PAPPA2: variants seen among roughly 807,000 people sequenced by gnomAD.
PAPPA2 encodes the protein pappalysin 2.
In PAPPA2, 86 loss-of-function variants were observed where a neutral mutation model predicts 176.4. That is an observed-to-expected ratio of 0.49 (90% CI 0.41 to 0.58). The LOEUF (loss-of-function observed/expected upper bound fraction) is 0.58, where lower values mean the gene tolerates loss of function less well. Among genes scored for constraint, PAPPA2 ranks in the 20% least tolerant of loss-of-function variants. The probability of loss-of-function intolerance (pLI) is 0.00; values close to 1 mark genes in which losing one functional copy is unlikely to be tolerated. For missense variants in PAPPA2, 2,073 were observed against 2,256.9 expected, an observed-to-expected ratio of 0.92 and a Z score of 1.65; for synonymous variants, 809 against 852.2, an observed-to-expected ratio of 0.95 and a Z score of 0.88.
rs553671188 is a variant in PAPPA2, at chr1:176,534,294, G to A, written c.-916-21113G>A. Among the ~76,000 whole-genome samples the A allele has an allele frequency of 3.9e-5, 6 of 152,134 alleles. No individual in the cohort carries two copies. In the South Asian group the frequency reaches 6.2e-4, roughly 16 times the overall value. On this transcript the variant is annotated intron_variant, in intron 1 of 22. Coordinates refer to ENST00000367662, the MANE Select transcript of PAPPA2 (RefSeq NM_020318.3). The stretch of plus-strand genomic sequence containing the variant: ...CTGCCTGTTTTTCCCAGGTTCTAAT[G>A]TTAGAGTCTGAGTTGACTGCTAATT...
chr1:176,652,945 G>A (rs894364868), intron 3 of PAPPA2, among the ~76,000 whole-genome samples: 21 of 151,744 alleles, frequency 1.4e-4, no homozygotes, highest in Non-Finnish European at 1.0e-4. Context: ...GACATTGCTA[G>A]TGATACCCTC....
At chr1:176,596,621 G>A (rs1056457231) in intron 3 of PAPPA2, among the ~76,000 whole-genome samples, 1 of 152,174 alleles carries the variant, frequency 6.6e-6, no homozygotes, top group African/African-American at 2.4e-5. Flanking sequence ...GTGTTTGTCT[G>A]TTTTTCCCCT....
intron 14 of PAPPA2, among the ~76,000 whole-genome samples, chr1:176,745,595 A>G (rs183674625): frequency 2.0e-5 from 3 of 152,322 alleles, no homozygotes; most frequent in Admixed American, 2.0e-4. Flanking sequence ...TTAACCAGTA[A>G]TGGAATTAAC....
chr1:176,653,420 G>A (rs1311322691), intron 3 of PAPPA2, among the ~76,000 whole-genome samples: 1 of 151,558 alleles, frequency 6.6e-6, no homozygotes, highest in Non-Finnish European at 1.5e-5. Context: ...CTTTCAGGAG[G>A]TTCACAACAA....
At chr1:176,489,353 A>G (rs1267537788) in intron 1 of PAPPA2, among the ~76,000 whole-genome samples, 1 of 152,230 alleles carries the variant, frequency 6.6e-6, no homozygotes, top group Non-Finnish European at 1.5e-5. Flanking sequence ...TTTAATGCAT[A>G]GAGGAGCTTC....
At chr1:176,769,824 G>A (rs1466475266) in intron 16 of PAPPA2, 40 bp downstream of exon 16, 7 of 1,536,048 alleles carry the variant, frequency 4.6e-6, no homozygotes, top group Non-Finnish European at 6.1e-6. Context: ...CAAGTTCTCT[G>A]CCATCCCTCG....
Position 176,771,269 on chromosome 1 carries a change from G to A in PAPPA2, c.4715+89G>A. 3.0e-6 allele frequency: 4 copies of A among 1,349,224 alleles called. No individual in the cohort carries two copies. The South Asian group carries it at 5.1e-5, about 17-fold the overall frequency. 83.6% of individuals were successfully genotyped at this position (1,349,224 alleles called of 1,614,324 possible). On this transcript the variant is annotated intron_variant, in intron 17 of 22. Coordinates refer to ENST00000367662, the MANE Select transcript of PAPPA2 (RefSeq NM_020318.3). Reference sequence around the variant, plus strand: ...CTGTATAATCTCTCTTTACCTGCAGGGCTATATTCTCCAGTCATGACAGGC... The same window carrying A: ...CTGTATAATCTCTCTTTACCTGCAGAGCTATATTCTCCAGTCATGACAGGC...
chr1:176,779,515 C>CAG (rs1557866226), intron 17 of PAPPA2, among the ~76,000 whole-genome samples: 9 of 116,284 alleles, frequency 7.7e-5, no homozygotes, highest in South Asian at 6.3e-4. Context: ...CACACACACA[C>CAG]ACACAGAGAG....
intron 3 of PAPPA2, among the ~76,000 whole-genome samples, chr1:176,629,399 A>C (rs1656218974): frequency 6.6e-6 from 1 of 152,354 alleles, no homozygotes; most frequent in South Asian, 2.1e-4. Context: ...AAGTCCAAAC[A>C]TGCAGGTTGG....
At position 176,711,920 on chromosome 1, in the gene PAPPA2, A is replaced by C. The variant is rs367817305; in HGVS notation, c.3737A>C (p.Gln1246Pro). Residue 1246 changes from glutamine (Q) to proline (P), a missense_variant, in exon 12 of 23, where the codon CAG (glutamine) becomes CCG (proline). Gln to Pro is a moderately conservative substitution (Grantham distance 76, BLOSUM62 -1). Coordinates refer to ENST00000367662, the MANE Select transcript of PAPPA2 (RefSeq NM_020318.3). The part of the protein sequence containing the change: ...FPCVASENET[Q>P]DDRSEQPEGS... The stretch of plus-strand genomic sequence containing the variant: ...TGTGTTGCCAGTGAAAATGAAACTC[A>C]GGATGACAGGAGTGAACAGCCAGAA... 4.0e-5 allele frequency: 64 copies of C among 1,613,792 alleles called. No individual in the cohort carries two copies. The Middle Eastern group carries it at 9.9e-4, about 25-fold the overall frequency.
rs1342731588 is a variant in PAPPA2, at chr1:176,463,424, T to G, written c.-917+6T>G. 1.3e-5 allele frequency: 2 copies of G among 152,222 alleles called. No individual in the cohort carries two copies. Among genetic ancestry groups the G allele is most frequent in the African/African-American group, 2.4e-5 (1 of 41,460 alleles). The allele number at this position is 152,222 out of a possible 1,614,324, so 9.4% of individuals were successfully genotyped here. A position where few individuals can be genotyped will look rare whatever the true frequency, so the allele number is the denominator to read the frequency against. On this transcript the variant is annotated splice_donor_region_variant and intron_variant, in intron 1 of 22. Transcript: ENST00000367662. Reference sequence around the variant, plus strand: ...ATTAAGGAGCAAAACACTTGGTATGTATTGGGGGTGTCACTACTATTACCA... The same window carrying G: ...ATTAAGGAGCAAAACACTTGGTATGGATTGGGGGTGTCACTACTATTACCA...
intron 1 of PAPPA2, among the ~76,000 whole-genome samples, chr1:176,535,173 G>A (rs921619905): frequency 2.6e-5 from 4 of 152,174 alleles, no homozygotes; most frequent in Non-Finnish European, 5.9e-5. Flanking sequence ...AGTGTCCTCA[G>A]AAGAAAGGGG....
intron 14 of PAPPA2, among the ~76,000 whole-genome samples, chr1:176,740,900 G>A (rs1403349912): frequency 1.3e-5 from 2 of 152,128 alleles, no homozygotes; most frequent in African/African-American, 4.8e-5. Flanking sequence ...TCATTCCTCA[G>A]CAAGGGAGGT....
At chr1:176,511,279 G>A (rs1648585008) in intron 1 of PAPPA2, among the ~76,000 whole-genome samples, 1 of 152,098 alleles carries the variant, frequency 6.6e-6, no homozygotes, top group Non-Finnish European at 1.5e-5. Context: ...TATTGCCAGG[G>A]ATTATGATAC....
chr1:176,833,063 A>T (rs1358449310), intron 21 of PAPPA2, among the ~76,000 whole-genome samples: 1 of 152,210 alleles, frequency 6.6e-6, no homozygotes, highest in African/African-American at 2.4e-5. Context: ...GTAGACGCGC[A>T]GTCGGCATTC....
intron 3 of PAPPA2, among the ~76,000 whole-genome samples, chr1:176,604,694 A>AT (rs1247301404): frequency 3.3e-5 from 5 of 152,204 alleles, no homozygotes; most frequent in Admixed American, 2.0e-4. Context: ...TTATCATACC[A>AT]TACTGTAACT....
At chr1:176,692,854 T>G (rs1660181239) in intron 6 of PAPPA2, among the ~76,000 whole-genome samples, 1 of 152,172 alleles carries the variant, frequency 6.6e-6, no homozygotes, top group Non-Finnish European at 1.5e-5. Context: ...GGAATTGTCA[T>G]CCTCTGCTTA....
At chr1:176,481,611 G>A in intron 1 of PAPPA2, among the ~76,000 whole-genome samples, 1 of 152,194 alleles carries the variant, frequency 6.6e-6, no homozygotes, top group East Asian at 1.9e-4. Flanking sequence ...GGGCAAATCA[G>A]TTTTAATCCT....
intron 14 of PAPPA2, among the ~76,000 whole-genome samples, chr1:176,742,428 C>T (rs1338792780): frequency 6.6e-6 from 1 of 152,150 alleles, no homozygotes; most frequent in South Asian, 2.1e-4. Context: ...TAGTTCTTCA[C>T]TTCTTCTCAT....
Sources: allele counts gnomAD v4.1 joint callset (sites outside exome capture counted in the v4.1 genomes callset), GRCh38; gene constraint gnomAD v4.1.1; transcripts MANE v1.5; gene names NCBI Gene and HGNC (gene_info 2026-07-23, HGNC 2026-07-21).